The following CTNNA2 variants were observed in gnomAD, a reference collection of about 807,000 sequenced individuals.
The protein encoded by CTNNA2 is catenin alpha 2, also known as catenin alpha-2.
A neutral mutation model predicts 101.0 loss-of-function variants in CTNNA2; 42 were observed. The observed-to-expected ratio is 0.42, with a 90% confidence interval of 0.32 to 0.54. The LOEUF (loss-of-function observed/expected upper bound fraction) is 0.54. Among genes scored for constraint, CTNNA2 ranks in the 20% least tolerant of loss-of-function variants. The probability of loss-of-function intolerance (pLI) is 0.14; values close to 1 mark genes in which losing one functional copy is unlikely to be tolerated. For missense variants in CTNNA2, 871 were observed against 1,223.1 expected (o/e 0.71, Z 4.29); for synonymous variants, 450 against 456.4 (o/e 0.99, Z 0.18).
chr2:79,971,642 T>G (rs940647981), intron 7 of CTNNA2, among the ~76,000 whole-genome samples: 11 of 152,220 alleles, frequency 7.2e-5, no homozygotes, highest in Admixed American at 2.6e-4. Context: ...CAGAGGGATT[T>G]GAACTCAGGT....
chr2:79,401,598 T>C (rs185900672), intron 4 of CTNNA2, among the ~76,000 whole-genome samples: 1 of 151,470 alleles, frequency 6.6e-6, no homozygotes, highest in African/African-American at 2.4e-5. Flanking sequence ...TAAGAAACAG[T>C]TCAAGAACAA....
chr2:79,494,558 A>G (rs1251230956), intron 4 of CTNNA2, among the ~76,000 whole-genome samples: 1 of 152,194 alleles, frequency 6.6e-6, no homozygotes, highest in African/African-American at 2.4e-5. Flanking sequence ...AATTCAGTAC[A>G]AAAGATTTTT....
At position 80,648,773 on chromosome 2, in the gene CTNNA2, AAT is replaced by A. The variant is rs1674389268; in HGVS notation, c.*902_*903del. ...TAACTAACTCAAAATAAACACATTT[AAT>A]CTTGACATCTCAAGTATGTTTTCTT... On this transcript the variant is annotated 3_prime_UTR_variant, in exon 19 of 19. Coordinates refer to ENST00000402739, the MANE Select transcript of CTNNA2 (RefSeq NM_001282597.3). 6.6e-6 allele frequency: 1 copy of A among 152,116 alleles called. No homozygotes were observed. Among genetic ancestry groups the A allele is most frequent in the Non-Finnish European group, 1.5e-5 (1 of 68,018 alleles). The allele number at this position is 152,116 out of a possible 1,614,324, so 9.4% of individuals were successfully genotyped here. A position where few individuals can be genotyped will look rare whatever the true frequency, so the allele number is the denominator to read the frequency against.
intron 18 of CTNNA2, among the ~76,000 whole-genome samples, chr2:80,642,506 T>G (rs988196715): frequency 2.0e-5 from 3 of 152,172 alleles, no homozygotes; most frequent in African/African-American, 7.2e-5. Flanking sequence ...GAAGAAATAC[T>G]TGGATGATGT....
At chr2:80,131,520 T>G (rs1040751713) in intron 7 of CTNNA2, among the ~76,000 whole-genome samples, 2 of 152,176 alleles carry the variant, frequency 1.3e-5, no homozygotes, top group Non-Finnish European at 2.9e-5. Flanking sequence ...ATTTTTGTTC[T>G]TAGAGGGGAT....
chr2:80,349,706 G>T (rs1393855634), intron 7 of CTNNA2, among the ~76,000 whole-genome samples: 1 of 151,864 alleles, frequency 6.6e-6, no homozygotes, highest in African/African-American at 2.4e-5. Context: ...TAATTAAATC[G>T]ATGGGGTCTT....
intron 2 of CTNNA2, among the ~76,000 whole-genome samples, chr2:79,722,972 G>A (rs1392879050): frequency 6.6e-6 from 1 of 152,094 alleles, no homozygotes; most frequent in Admixed American, 6.6e-5. Context: ...TATTTTGAAG[G>A]AGATTATATT....
intron 3 of CTNNA2, among the ~76,000 whole-genome samples, chr2:79,856,862 C>G (rs1276033659): frequency 6.6e-6 from 1 of 152,186 alleles, no homozygotes; most frequent in Non-Finnish European, 1.5e-5. Context: ...CCACTGCTCT[C>G]TCAGACTAAA....
intron 4 of CTNNA2, among the ~76,000 whole-genome samples, chr2:79,454,986 A>G (rs1048269224): frequency 2.0e-5 from 3 of 152,182 alleles, no homozygotes; most frequent in Non-Finnish European, 4.4e-5. Context: ...CCTTACCAGT[A>G]GACTTAACAC....
chr2:80,315,192 A>G (rs1677989853), intron 7 of CTNNA2, among the ~76,000 whole-genome samples: 1 of 152,172 alleles, frequency 6.6e-6, no homozygotes, highest in African/African-American at 2.4e-5. Flanking sequence ...CCAGTATCTC[A>G]GACTTTTGAC....
At chr2:79,558,193 C>T (rs1413510378) in intron 1 of CTNNA2, among the ~76,000 whole-genome samples, 3 of 151,744 alleles carry the variant, frequency 2.0e-5, no homozygotes, top group Non-Finnish European at 4.4e-5. Context: ...CTGAACATGC[C>T]CACAAGTGTT....
chr2:80,121,580 C>T (rs762611849), intron 7 of CTNNA2, among the ~76,000 whole-genome samples: 2 of 152,036 alleles, frequency 1.3e-5, no homozygotes, highest in East Asian at 1.9e-4. Flanking sequence ...ATGGCAATCT[C>T]GTATTGAAGA....
intron 9 of CTNNA2, among the ~76,000 whole-genome samples, chr2:80,453,842 C>A (rs961064656): frequency 2.0e-5 from 3 of 152,082 alleles, no homozygotes; most frequent in Non-Finnish European, 2.9e-5. Flanking sequence ...TGGTAATTTC[C>A]ACTGAATGTC....
At chr2:80,012,686 T>C (rs1215892711) in intron 7 of CTNNA2, among the ~76,000 whole-genome samples, 1 of 152,182 alleles carries the variant, frequency 6.6e-6, no homozygotes, top group Non-Finnish European at 1.5e-5. Flanking sequence ...ATTTGGCCCG[T>C]GGGTTTTAGT....
Position 80,303,229 on chromosome 2 carries a change from G to C in CTNNA2, c.1057-89982G>C, listed in dbSNP as rs1290536783. On this transcript the variant is annotated intron_variant, in intron 7 of 18. Coordinates refer to ENST00000402739, the MANE Select transcript of CTNNA2 (RefSeq NM_001282597.3). The surrounding 1 kb of genome is among the most constrained non-coding windows in gnomAD (Gnocchi z 7.7). ...CGAAAGAGTTGCGCGCCAGACTCTT[G>C]AGCTGATTGTATCCGATGTCGAGAA... The C allele has an allele frequency of 3.1e-6, 5 of 1,613,834 alleles. No individual in the cohort carries two copies. Among genetic ancestry groups the C allele is most frequent in the South Asian group, 1.1e-5 (1 of 91,078 alleles).
rs148070040 is a variant in CTNNA2 at position 80,338,487 on chromosome 2, C to T, written c.1057-54724C>T. Among the ~76,000 whole-genome samples the T allele has an allele frequency of 1.6e-4, 24 of 152,216 alleles. No individual in the cohort carries two copies. The East Asian group carries it at 2.1e-3, about 13-fold the overall frequency. On this transcript the variant is annotated intron_variant, in intron 7 of 18. Transcript: ENST00000402739. ...CAAAATGAGGAATGGGAGAGCAGTACAAATAATATCAAGTTGTTGGCTATG... is the reference window on the plus strand; with the variant it reads ...CAAAATGAGGAATGGGAGAGCAGTATAAATAATATCAAGTTGTTGGCTATG...
At chr2:80,468,074 T>C (rs1039448538) in intron 9 of CTNNA2, among the ~76,000 whole-genome samples, 2 of 152,200 alleles carry the variant, frequency 1.3e-5, no homozygotes, top group African/African-American at 4.8e-5. Flanking sequence ...GCTACCAGTG[T>C]CCTTAGAGTA....
intron 7 of CTNNA2, among the ~76,000 whole-genome samples, chr2:80,184,853 A>G (rs1706013559): frequency 6.6e-6 from 1 of 152,204 alleles, no homozygotes; most frequent in South Asian, 2.1e-4. Flanking sequence ...AAAATTTCCA[A>G]TGATTGGCTT....
chr2:79,903,588 A>G (rs1685217019), intron 6 of CTNNA2, among the ~76,000 whole-genome samples: 1 of 152,140 alleles, frequency 6.6e-6, no homozygotes, highest in Admixed American at 6.5e-5. Flanking sequence ...AGCAAGGTAG[A>G]TGGGATTTTA....
Sources: gnomAD v4.1 joint callset for allele counts (sites outside exome capture counted in the v4.1 genomes callset) on GRCh38, gnomAD v4.1.1 for gene constraint, Gnocchi (gnomAD v3.1) non-coding constraint, MANE v1.5 for transcripts, NCBI Gene and HGNC (gene_info 2026-07-23, HGNC 2026-07-21) for gene names.